The following ELMO1 variants were observed in gnomAD, a reference collection of about 807,000 sequenced individuals.
ELMO1 encodes engulfment and cell motility 1, also known as engulfment and cell motility protein 1.
A neutral mutation model predicts 98.9 loss-of-function variants in ELMO1; 26 were observed. The observed-to-expected ratio is 0.26, with a 90% confidence interval of 0.19 to 0.36. The LOEUF (loss-of-function observed/expected upper bound fraction) is 0.36, where lower values mean the gene tolerates loss of function less well. Among genes scored for constraint, ELMO1 ranks in the 10% least tolerant of loss-of-function variants. ELMO1 has a pLI of 1.00. For missense variants in ELMO1, 627 were observed against 935.2 expected, an observed-to-expected ratio of 0.67 and a Z score of 4.30; for synonymous variants, 346 against 346.0, an observed-to-expected ratio of 1.00 and a Z score of 0.00.
At chr7:37,307,748 T>C (rs73112604) in intron 4 of ELMO1, among the ~76,000 whole-genome samples, 197 of 152,342 alleles carry the variant, frequency 1.3e-3, no homozygotes, top group Middle Eastern at 6.8e-3. Flanking sequence ...AAGACTATCA[T>C]CTCGTTCTAT....
chr7:37,188,861 A>C (rs1283238644), intron 13 of ELMO1, among the ~76,000 whole-genome samples: 1 of 152,176 alleles, frequency 6.6e-6, no homozygotes, highest in Non-Finnish European at 1.5e-5. Context: ...TTCCATGAGG[A>C]GCTTCTATGA....
At chr7:37,164,655 T>C (rs984266652) in intron 13 of ELMO1, among the ~76,000 whole-genome samples, 37 of 151,786 alleles carry the variant, frequency 2.4e-4, no homozygotes, top group African/African-American at 7.0e-4. Context: ...TGTAGATATG[T>C]GGCATTATTT....
At chr7:36,973,743 A>C (rs1395217514) in intron 16 of ELMO1, among the ~76,000 whole-genome samples, 1 of 152,118 alleles carries the variant, frequency 6.6e-6, no homozygotes, top group Non-Finnish European at 1.5e-5. Flanking sequence ...GGAGGTGTGG[A>C]GGGAGAGGCG....
intron 7 of ELMO1, among the ~76,000 whole-genome samples, chr7:37,241,017 T>C (rs1794739639): frequency 6.6e-6 from 1 of 152,158 alleles, no homozygotes. Flanking sequence ...CCTTAACATT[T>C]TGCCTAGTTT....
At chr7:36,909,588 G>A (rs1784205980) in intron 16 of ELMO1, among the ~76,000 whole-genome samples, 1 of 152,214 alleles carries the variant, frequency 6.6e-6, no homozygotes, top group South Asian at 2.1e-4. Flanking sequence ...TTTTTCGTGT[G>A]TGTGGGTTGG....
intron 13 of ELMO1, among the ~76,000 whole-genome samples, chr7:37,142,122 G>A (rs1012162006): frequency 6.6e-6 from 1 of 152,138 alleles, no homozygotes; most frequent in Non-Finnish European, 1.5e-5. Context: ...AAATATGATC[G>A]TAACAAAAAT....
At chr7:37,326,065 C>G (rs1348361884) in intron 2 of ELMO1, among the ~76,000 whole-genome samples, 1 of 152,166 alleles carries the variant, frequency 6.6e-6, no homozygotes, top group East Asian at 1.9e-4. Context: ...CTAATAACAG[C>G]CTGATGAATC....
At chr7:36,895,509 T>C (rs982990677) in intron 16 of ELMO1, among the ~76,000 whole-genome samples, 8 of 152,228 alleles carry the variant, frequency 5.3e-5, no homozygotes, top group African/African-American at 1.9e-4. Flanking sequence ...GCTTTCGCCA[T>C]GTAGTTAGGG....
rs142259827 is a variant in ELMO1 at position 37,330,324 on chromosome 7, G to A, written c.78+12289C>T. 2.0e-5 allele frequency among the ~76,000 whole-genome samples: 3 copies of A among 152,314 alleles called. No homozygotes were observed. The East Asian group carries it at 5.8e-4, about 29-fold the overall frequency. ...TTCATTCCCTTCTCTTTTGAGCCAT[G>A]TTCTGAATGAATTCCTTGTTTTCAA... On this transcript the variant is annotated intron_variant, in intron 2 of 21. Transcript: ENST00000310758.
chr7:37,418,818 T>A (rs763300039), intron 1 of ELMO1, among the ~76,000 whole-genome samples: 3 of 152,154 alleles, frequency 2.0e-5, no homozygotes, highest in African/African-American at 4.8e-5. Context: ...GGAGGCAAAC[T>A]GCAGCTTCTG....
chr7:36,965,221 G>A (rs559350930), intron 16 of ELMO1, among the ~76,000 whole-genome samples: 1 of 152,178 alleles, frequency 6.6e-6, no homozygotes, highest in African/African-American at 2.4e-5. Context: ...TCATGGCTGG[G>A]GTGGCCTGGC....
intron 16 of ELMO1, among the ~76,000 whole-genome samples, chr7:36,929,479 TCTAAG>T (rs1206631700): frequency 1.3e-5 from 2 of 152,240 alleles, no homozygotes; most frequent in Non-Finnish European, 2.9e-5. Flanking sequence ...TGAAAATTTC[TCTAAG>T]CTGAGATTAA....
intron 4 of ELMO1, among the ~76,000 whole-genome samples, chr7:37,306,911 G>A (rs1394879765): frequency 6.6e-6 from 1 of 152,058 alleles, no homozygotes; most frequent in Non-Finnish European, 1.5e-5. Flanking sequence ...GAATCATATG[G>A]TCAAATTATA....
At chr7:37,104,010 CAAAAAAAAAAAAAAAAA>C (rs35979251) in intron 14 of ELMO1, among the ~76,000 whole-genome samples, 24 of 29,018 alleles carry the variant, frequency 8.3e-4, no homozygotes, top group Admixed American at 8.2e-3. Flanking sequence ...GACTCCATCT[CAAAAAAAAAAAAAAAAA>C]AAAAAAAAAA....
At chr7:37,268,737 A>G (rs1001100607) in intron 5 of ELMO1, among the ~76,000 whole-genome samples, 2 of 152,238 alleles carry the variant, frequency 1.3e-5, no homozygotes, top group African/African-American at 4.8e-5. Flanking sequence ...GGCCTATTAC[A>G]AATGAATTAA....
intron 1 of ELMO1, among the ~76,000 whole-genome samples, chr7:37,379,911 A>G (rs1295162234): frequency 6.6e-6 from 1 of 152,204 alleles, no homozygotes; most frequent in African/African-American, 2.4e-5. Context: ...TTTGTGTCCT[A>G]TAGTTCACCT....
intron 1 of ELMO1, among the ~76,000 whole-genome samples, chr7:37,413,051 G>A (rs1160055086): frequency 2.0e-5 from 3 of 152,156 alleles, no homozygotes; most frequent in Non-Finnish European, 4.4e-5. Flanking sequence ...AATTATTCTT[G>A]TTGGGTCAAG....
chr7:36,875,886 G>T (rs983380960), intron 19 of ELMO1, among the ~76,000 whole-genome samples: 6 of 152,212 alleles, frequency 3.9e-5, no homozygotes, highest in African/African-American at 1.4e-4. Context: ...TGGCAAACCT[G>T]TCGGTCAAGT....
At chr7:37,157,908 T>C (rs1788913089) in intron 13 of ELMO1, among the ~76,000 whole-genome samples, 1 of 152,092 alleles carries the variant, frequency 6.6e-6, no homozygotes, top group African/African-American at 2.4e-5. Context: ...CAAACTATAC[T>C]ATAAGGCTAC....
Sources: gnomAD v4.1 joint callset for allele counts (sites outside exome capture counted in the v4.1 genomes callset) on GRCh38, gnomAD v4.1.1 for gene constraint, MANE v1.5 for transcripts, NCBI Gene and HGNC (gene_info 2026-07-23, HGNC 2026-07-21) for gene names.